TG: variants seen among roughly 807,000 people sequenced by gnomAD.
TG encodes the protein thyroglobulin.
Under a neutral mutation model 324.7 loss-of-function variants are expected in TG, and 270 were observed. The observed-to-expected ratio is 0.83, with a 90% CI of 0.75 to 0.92. The LOEUF is 0.92. Ranked by LOEUF, TG falls within the 40% of genes least tolerant of loss-of-function variation. The pLI, the probability that TG is intolerant of heterozygous loss-of-function variation, is 0.00. For synonymous variants in TG, 1,401 were observed against 1,327.0 expected, an observed-to-expected ratio of 1.06 and a Z score of -1.21; for missense variants, 3,591 against 3,456.4, an observed-to-expected ratio of 1.04 and a Z score of -0.98.
intron 11 of TG, among the ~76,000 whole-genome samples, chr8:132,897,342 A>G (rs535083543): frequency 1.3e-5 from 2 of 152,236 alleles, no homozygotes; most frequent in South Asian, 4.1e-4. Flanking sequence ...CCTACCTATT[A>G]TTACTATTAT....
intron 30 of TG, among the ~76,000 whole-genome samples, chr8:132,967,187 A>G (rs558137553): frequency 1.4e-4 from 20 of 146,928 alleles, no homozygotes; most frequent in Admixed American, 7.4e-4. Flanking sequence ...CCATGTATCC[A>G]TGTATCCATC....
intron 26 of TG, among the ~76,000 whole-genome samples, chr8:132,944,990 GGGGC>G (rs1231460157): frequency 1.1e-4 from 16 of 152,234 alleles, no homozygotes; most frequent in Non-Finnish European, 1.9e-4. Context: ...AGAGGTTTAA[GGGGC>G]GGGAGGGAGA....
intron 1 of TG, among the ~76,000 whole-genome samples, chr8:132,867,750 C>A (rs1839092091): frequency 2.0e-5 from 3 of 150,794 alleles, no homozygotes; most frequent in Admixed American, 1.3e-4. Context: ...CTCTAACTTA[C>A]TCCAAATAGC....
intron 43 of TG, among the ~76,000 whole-genome samples, chr8:133,103,688 C>T (rs2131706737): frequency 6.6e-6 from 1 of 152,328 alleles, no homozygotes; most frequent in South Asian, 2.1e-4. Flanking sequence ...CCTGAGCAAG[C>T]TGTGCTTGAT....
chr8:133,118,871 G>A (rs1374259389), intron 45 of TG, among the ~76,000 whole-genome samples: 1 of 152,132 alleles, frequency 6.6e-6, no homozygotes, highest in African/African-American at 2.4e-5. Flanking sequence ...TCTTGGCGTG[G>A]GGAGATAATC....
At chr8:133,001,258 T>C (rs1051126804) in intron 35 of TG, among the ~76,000 whole-genome samples, 3 of 152,170 alleles carry the variant, frequency 2.0e-5, no homozygotes, top group Admixed American at 6.5e-5. Context: ...ACACCTACTG[T>C]CACCCCTCTG....
intron 18 of TG, among the ~76,000 whole-genome samples, chr8:132,909,776 C>T (rs770085091): frequency 7.2e-5 from 11 of 152,250 alleles, no homozygotes; most frequent in African/African-American, 1.4e-4. Flanking sequence ...AGTGAGATAA[C>T]GTACAAATCC....
Position 133,019,711 on chromosome 8 carries a change from C to G in TG, c.6876+16C>G, listed in dbSNP as rs761569997. On this transcript the variant is annotated intron_variant, in intron 39 of 47. Coordinates refer to ENST00000220616, the MANE Select transcript of TG (RefSeq NM_003235.5). The stretch of plus-strand genomic sequence containing the variant: ...TCAGAATGTGGTGAGTTCAAAAGCA[C>G]TTGCTATGGTTGCCCTGAAGACTGT... 6 of 1,604,736 alleles carry G rather than the reference C, an allele frequency of 3.7e-6. No individual in the cohort carries two copies. In the South Asian group the frequency reaches 6.6e-5, roughly 18 times the overall value.
intron 41 of TG, among the ~76,000 whole-genome samples, chr8:133,088,256 G>GCTCCTCCTCCTC (rs5895174): frequency 3.3e-5 from 5 of 151,358 alleles, no homozygotes; most frequent in Non-Finnish European, 7.4e-5. Flanking sequence ...CTCCCCTCCT[G>GCTCCTCCTCCTC]CTCCTCCTCC....
chr8:133,037,401 G>A (rs910405665), intron 41 of TG: 1 of 152,146 alleles, frequency 6.6e-6, no homozygotes, highest in African/African-American at 2.4e-5. Context: ...TACCGGGTGA[G>A]TTAATTCTTT....
intron 29 of TG, among the ~76,000 whole-genome samples, chr8:132,966,105 G>A (rs1366552548): frequency 6.6e-6 from 1 of 152,208 alleles, no homozygotes; most frequent in Non-Finnish European, 1.5e-5. Flanking sequence ...AAGACAAAAA[G>A]AGGATCAGTG....
chr8:132,945,756 G>C (rs1825172552), intron 26 of TG, among the ~76,000 whole-genome samples: 1 of 152,124 alleles, frequency 6.6e-6, no homozygotes, highest in Non-Finnish European at 1.5e-5. Context: ...AGAAGGAGAT[G>C]GGGATAGTGG....
At chr8:133,010,250 G>T (rs886570497) in intron 35 of TG, among the ~76,000 whole-genome samples, 1 of 152,126 alleles carries the variant, frequency 6.6e-6, no homozygotes, top group African/African-American at 2.4e-5. Context: ...CTCCTCCTCT[G>T]TGAAAGAGGC....
intron 34 of TG, among the ~76,000 whole-genome samples, chr8:132,973,049 G>A (rs1046662614): frequency 2.0e-5 from 3 of 152,156 alleles, no homozygotes; most frequent in African/African-American, 7.2e-5. Context: ...CTGCTCCATA[G>A]GGTTTAGTGG....
chr8:133,037,719 G>A (rs1042668099), intron 41 of TG: 1 of 151,404 alleles, frequency 6.6e-6, no homozygotes, highest in Non-Finnish European at 1.5e-5. Flanking sequence ...AATACTTGAT[G>A]CATTCATACA....
At position 133,011,207 on chromosome 8, in the gene TG, T is replaced by C. The variant is rs1256965591; in HGVS notation, c.6263-694T>C. ...TGAGCTCTGAAGCTAGGCTGGCCGT[T>C]CAGATTTGTTCCATCTTGAGGCTGG... On this transcript the variant is annotated intron_variant, in intron 35 of 47. Coordinates refer to ENST00000220616, the MANE Select transcript of TG (RefSeq NM_003235.5). 2.0e-5 allele frequency among the ~76,000 whole-genome samples: 3 copies of C among 152,284 alleles called. 1 individual carries two copies. The South Asian group carries it at 6.2e-4, about 32-fold the overall frequency.
At chr8:132,966,784 TA>T in intron 30 of TG, 87 bp downstream of exon 30, 1 of 1,554,626 alleles carries the variant, frequency 6.4e-7, no homozygotes, top group Non-Finnish European at 8.8e-7. Context: ...GAGACACAGA[TA>T]AGGCCAAATT....
At chr8:132,884,069 T>C (rs1815046257) in intron 8 of TG, among the ~76,000 whole-genome samples, 1 of 152,240 alleles carries the variant, frequency 6.6e-6, no homozygotes, top group African/African-American at 2.4e-5. Flanking sequence ...CTTCCCTCTG[T>C]GTCTGTCTAT....
intron 43 of TG, among the ~76,000 whole-genome samples, chr8:133,110,322 C>A (rs1850156821): frequency 6.6e-6 from 1 of 152,206 alleles, no homozygotes; most frequent in South Asian, 2.1e-4. Flanking sequence ...CCTTCCCCAC[C>A]TGCCTTCACT....
Sources: allele counts gnomAD v4.1 joint callset (sites outside exome capture counted in the v4.1 genomes callset), GRCh38; gene constraint gnomAD v4.1.1; transcripts MANE v1.5; gene names NCBI Gene and HGNC (gene_info 2026-07-23, HGNC 2026-07-21).